The following ATF7 variants were observed in gnomAD, a reference collection of about 807,000 sequenced individuals.
The protein encoded by ATF7 is activating transcription factor 7, also known as cyclic AMP-dependent transcription factor ATF-7.
In ATF7, 10 loss-of-function variants were observed where a neutral mutation model predicts 50.4. The ratio of observed to expected loss-of-function variants is 0.20; its 90% CI spans 0.12 to 0.34. The LOEUF is 0.34. Among genes scored for constraint, ATF7 ranks in the 10% least tolerant of loss-of-function variants. ATF7 has a pLI of 1.00. For synonymous variants in ATF7, 201 were observed against 226.4 expected (o/e 0.89, Z 1.01); for missense variants, 465 against 613.9 (o/e 0.76, Z 2.56).
intron 3 of ATF7, among the ~76,000 whole-genome samples, chr12:53,544,128 G>C (rs1171318512): frequency 6.6e-6 from 1 of 152,238 alleles, no homozygotes; most frequent in Admixed American, 6.5e-5. Flanking sequence ...CCTGAAACCA[G>C]GGTATTCGGA....
At chr12:53,577,692 G>A (rs1345411570) in intron 2 of ATF7, among the ~76,000 whole-genome samples, 4 of 149,054 alleles carry the variant, frequency 2.7e-5, no homozygotes, top group Admixed American at 2.7e-4. Context: ...GTCCGGCCTG[G>A]GAGAAAGAGC....
intron 1 of ATF7, among the ~76,000 whole-genome samples, chr12:53,616,298 C>T (rs901200029): frequency 6.6e-6 from 1 of 152,164 alleles, no homozygotes. Context: ...TGTCAGCTCA[C>T]TGAAACCCCC....
chr12:53,573,186 TTTA>T (rs1375421203), intron 2 of ATF7, among the ~76,000 whole-genome samples: 2 of 152,156 alleles, frequency 1.3e-5, no homozygotes, highest in Non-Finnish European at 2.9e-5. Context: ...ACTGTTCTAT[TTTA>T]TTATTAGTTG....
At chr12:53,617,916 A>G (rs906765473) in intron 1 of ATF7, among the ~76,000 whole-genome samples, 1 of 152,158 alleles carries the variant, frequency 6.6e-6, no homozygotes, top group South Asian at 2.1e-4. Context: ...TTTTTAAACA[A>G]AAGGACAAAC....
At chr12:53,546,456 C>CT (rs978440013) in intron 3 of ATF7, among the ~76,000 whole-genome samples, 1,436 of 112,896 alleles carry the variant, frequency 0.013, 17 homozygotes, top group African/African-American at 0.043. Context: ...TTCTTTCTTT[C>CT]TTTTTTTTTT....
At chr12:53,508,502 G>GT (rs1021089750), downstream of ATF7, among the ~76,000 whole-genome samples, 35 of 151,512 alleles carry the variant, frequency 2.3e-4, no homozygotes, top group Admixed American at 1.6e-3. Flanking sequence ...AGAGGTTGCA[G>GT]TGAGCTGAGA....
chr12:53,608,919 A>C (rs1943727319), intron 1 of ATF7, among the ~76,000 whole-genome samples: 1 of 152,168 alleles, frequency 6.6e-6, no homozygotes, highest in South Asian at 2.1e-4. Context: ...TAACACATGA[A>C]CTGTGAGACT....
chr12:53,536,604 C>T (rs997309183), intron 5 of ATF7, among the ~76,000 whole-genome samples: 2 of 149,828 alleles, frequency 1.3e-5, no homozygotes, highest in African/African-American at 4.9e-5. Context: ...AATACAATTG[C>T]TGGCCGGGCG....
chr12:53,509,984 A>G (rs1274581636), downstream of ATF7, among the ~76,000 whole-genome samples: 1 of 151,760 alleles, frequency 6.6e-6, no homozygotes, highest in Non-Finnish European at 1.5e-5. Flanking sequence ...GCTTTGTCTC[A>G]TGGTTGGTCC....
In ATF7 at chr12:53,602,797, T is replaced by G. The variant is rs185781416; in HGVS notation, c.-21-1776A>C. On this transcript the variant is annotated intron_variant, in intron 1 of 11. Coordinates refer to ENST00000420353, the MANE Select transcript of ATF7 (RefSeq NM_006856.3). ...AGGGGGGTTTTCTGGTTGGTTGGTTTGTTTTAAATACATGATTTTTTTAGC... is the reference window on the plus strand; with the variant it reads ...AGGGGGGTTTTCTGGTTGGTTGGTTGGTTTTAAATACATGATTTTTTTAGC... Among the ~76,000 whole-genome samples the G allele has an allele frequency of 1.1e-3, 164 of 152,344 alleles. 1 individual carries two copies. Among genetic ancestry groups the G allele is most frequent in the African/African-American group, 3.7e-3 (155 of 41,560 alleles).
At chr12:53,555,817 GTTTT>G (rs1447184847) in intron 2 of ATF7, among the ~76,000 whole-genome samples, 2 of 147,264 alleles carry the variant, frequency 1.4e-5, no homozygotes, top group African/African-American at 2.5e-5. Flanking sequence ...GTCTTTTTTT[GTTTT>G]GTTTTGTTTT....
At chr12:53,577,577 G>A (rs1050187234) in intron 2 of ATF7, among the ~76,000 whole-genome samples, 19 of 151,714 alleles carry the variant, frequency 1.3e-4, no homozygotes, top group African/African-American at 3.9e-4. Flanking sequence ...TTAGCTGGGC[G>A]CAGTGGCGGG....
At chr12:53,607,945 C>T (rs1565595415) in intron 1 of ATF7, among the ~76,000 whole-genome samples, 1 of 152,150 alleles carries the variant, frequency 6.6e-6, no homozygotes, top group African/African-American at 2.4e-5. Flanking sequence ...GTTGGCCAGG[C>T]GCAGTGGCTC....
Position 53,532,651 on chromosome 12 carries a change from A to AAAAAG in ATF7, c.661-29_661-28insCTTTT, listed in dbSNP as rs1565927376. The AAAAAG allele has an allele frequency of 6.9e-6, 10 of 1,454,684 alleles. No homozygotes were observed. The South Asian group carries it at 1.2e-4, about 18-fold the overall frequency. 90.1% of individuals were successfully genotyped at this position (1,454,684 alleles called of 1,614,324 possible). Reference sequence around the variant, plus strand: ...GGATCGAGAGAAGGAAAAAAAAAAAAAGAGAAGGGAACATAATACCATCGG... The same window carrying AAAAAG: ...GGATCGAGAGAAGGAAAAAAAAAAAAAAAAGAGAGAAGGGAACATAATACCATCGG... On this transcript the variant is annotated intron_variant, in intron 7 of 11. Coordinates refer to ENST00000420353, the MANE Select transcript of ATF7 (RefSeq NM_006856.3).
chr12:53,604,147 A>G (rs1300919791), intron 1 of ATF7, among the ~76,000 whole-genome samples: 2 of 152,230 alleles, frequency 1.3e-5, no homozygotes, highest in African/African-American at 4.8e-5. Context: ...AGCACTGACA[A>G]GGAGAAGTGG....
intron 2 of ATF7, among the ~76,000 whole-genome samples, chr12:53,568,459 A>C (rs1941573883): frequency 6.6e-6 from 1 of 152,158 alleles, no homozygotes; most frequent in African/African-American, 2.4e-5. Context: ...ACCAAAATAC[A>C]GTATTAAGCT....
intron 4 of ATF7, among the ~76,000 whole-genome samples, chr12:53,540,143 G>A (rs945264965): frequency 4.0e-5 from 6 of 151,824 alleles, no homozygotes; most frequent in African/African-American, 1.5e-4. Flanking sequence ...ATGAGGTCAA[G>A]AGTTCGAGAC....
chr12:53,586,717 G>C (rs1178621530), intron 2 of ATF7, among the ~76,000 whole-genome samples: 1 of 152,094 alleles, frequency 6.6e-6, no homozygotes, highest in Non-Finnish European at 1.5e-5. Context: ...CAGTTCTACA[G>C]GCTGCTGCCC....
chr12:53,532,627 G>C lies in ATF7; in HGVS notation c.661-4C>G. 6.4e-7 allele frequency: 1 copy of C among 1,559,436 alleles called. No homozygotes were observed. The highest frequency in any genetic ancestry group is 8.7e-7 in the Non-Finnish European group (1 of 1,149,818). On this transcript the variant is annotated splice_polypyrimidine_tract_variant and splice_region_variant and intron_variant, in intron 7 of 11. Coordinates refer to ENST00000420353, the MANE Select transcript of ATF7 (RefSeq NM_006856.3). Reference sequence around the variant, plus strand: ...CCATGGACACAGGTCTGGCCAGCTGGATCGAGAGAAGGAAAAAAAAAAAAA... The same window carrying C: ...CCATGGACACAGGTCTGGCCAGCTGCATCGAGAGAAGGAAAAAAAAAAAAA...
Sources: allele counts gnomAD v4.1 joint callset (sites outside exome capture counted in the v4.1 genomes callset), GRCh38; gene constraint gnomAD v4.1.1; transcripts MANE v1.5; gene names NCBI Gene and HGNC (gene_info 2026-07-23, HGNC 2026-07-21).